TMEM132B: variants seen among roughly 807,000 people sequenced by gnomAD.
TMEM132B encodes transmembrane protein 132B.
Under a neutral mutation model 90.8 loss-of-function variants are expected in TMEM132B, and 18 were observed. That is an observed-to-expected ratio of 0.20 (90% CI 0.14 to 0.29). The LOEUF (loss-of-function observed/expected upper bound fraction) is 0.29. Ranked by LOEUF, TMEM132B falls within the 10% of genes least tolerant of loss-of-function variation. The probability of loss-of-function intolerance (pLI) is 1.00; values close to 1 mark genes in which losing one functional copy is unlikely to be tolerated. For missense variants in TMEM132B, 1,096 were observed against 1,326.8 expected, an observed-to-expected ratio of 0.83 and a Z score of 2.70; for synonymous variants, 504 against 523.3, an observed-to-expected ratio of 0.96 and a Z score of 0.50.
intron 1 of TMEM132B, among the ~76,000 whole-genome samples, chr12:125,329,448 G>C (rs189457366): frequency 6.6e-6 from 1 of 152,314 alleles, no homozygotes; most frequent in African/African-American, 2.4e-5. Context: ...CACTCACCAG[G>C]CAGCCCAGCC....
chr12:125,195,394 GTTTTTTTTTTT>G (rs36005995), intron 1 of TMEM132B, among the ~76,000 whole-genome samples: 1 of 89,906 alleles, frequency 1.1e-5, no homozygotes, highest in African/African-American at 4.2e-5. Context: ...GGGTTTGCGG[GTTTTTTTTTTT>G]TTTTTTTTTT....
At chr12:125,633,253 A>G (rs1040609814) in intron 5 of TMEM132B, among the ~76,000 whole-genome samples, 1 of 152,112 alleles carries the variant, frequency 6.6e-6, no homozygotes, top group Non-Finnish European at 1.5e-5. Flanking sequence ...TTTTCAGCTC[A>G]AGAATTTCTG....
intron 1 of TMEM132B, among the ~76,000 whole-genome samples, chr12:125,339,133 G>A (rs534903915): frequency 2.0e-5 from 3 of 152,174 alleles, no homozygotes; most frequent in Admixed American, 6.5e-5. Flanking sequence ...GTGGAAAGCA[G>A]GGAAGTCTAG....
chr12:125,273,730 A>G (rs1034682418), intron 1 of TMEM132B, among the ~76,000 whole-genome samples: 20 of 152,142 alleles, frequency 1.3e-4, no homozygotes, highest in African/African-American at 4.1e-4. Context: ...CAGTGGTGCG[A>G]TCTTGGCTCA....
At chr12:125,616,073 T>C (rs1885978056) in intron 5 of TMEM132B, among the ~76,000 whole-genome samples, 1 of 151,584 alleles carries the variant, frequency 6.6e-6, no homozygotes, top group Non-Finnish European at 1.5e-5. Context: ...TATCTCATAA[T>C]GCTATCCCTC....
chr12:125,584,157 G>A, intron 5 of TMEM132B, 163 bp downstream of exon 5: 3 of 953,000 alleles, frequency 3.1e-6, no homozygotes, highest in Non-Finnish European at 4.9e-6. Flanking sequence ...GAGACTCCCT[G>A]GAATCAGCAG....
At chr12:125,509,363 C>T (rs1220142053) in intron 3 of TMEM132B, among the ~76,000 whole-genome samples, 1 of 152,164 alleles carries the variant, frequency 6.6e-6, no homozygotes, top group Non-Finnish European at 1.5e-5. Context: ...GGAGGATTAT[C>T]CTTGCTGGTC....
At chr12:125,625,156 T>G (rs57660464) in intron 5 of TMEM132B, among the ~76,000 whole-genome samples, 72,289 of 133,062 alleles carry the variant, frequency 0.54, 21,182 homozygotes, top group African/African-American at 0.76. Flanking sequence ...TTTTTGAGAC[T>G]GAGTCTCGCT....
chr12:125,559,971 C>T (rs1884479177), intron 4 of TMEM132B, among the ~76,000 whole-genome samples: 1 of 152,314 alleles, frequency 6.6e-6, no homozygotes, highest in South Asian at 2.1e-4. Flanking sequence ...ACCCATGGCC[C>T]TAAGTTCGAA....
intron 5 of TMEM132B, among the ~76,000 whole-genome samples, chr12:125,610,582 A>T (rs1885800308): frequency 6.6e-6 from 1 of 151,966 alleles, no homozygotes; most frequent in African/African-American, 2.4e-5. Context: ...CATTCCTGGG[A>T]TACTGGGATA....
At chr12:125,562,827 C>T (rs776311981) in intron 4 of TMEM132B, among the ~76,000 whole-genome samples, 2 of 152,050 alleles carry the variant, frequency 1.3e-5, no homozygotes, top group African/African-American at 4.8e-5. Flanking sequence ...CCTTATGCCA[C>T]GGTGGTGAGG....
rs1227665846 is a variant in TMEM132B at position 125,209,584 on chromosome 12, A to G, written c.67+22718A>G. 1.3e-5 allele frequency among the ~76,000 whole-genome samples: 2 copies of G among 152,100 alleles called. No individual in the cohort carries two copies. Among genetic ancestry groups the G allele is most frequent in the Non-Finnish European group, 2.9e-5 (2 of 68,014 alleles). On this transcript the variant is annotated intron_variant, in intron 1 of 8. Coordinates refer to ENST00000682704, the MANE Select transcript of TMEM132B (RefSeq NM_001366854.1). The surrounding 1 kb of genome is among the most constrained non-coding windows in gnomAD (Gnocchi z 4.4). ...TGCTGTGGTGCTGGTCACGCTTGGGAGCATGGAGACACTCGTTCCTTGTCT... is the reference window on the plus strand; with the variant it reads ...TGCTGTGGTGCTGGTCACGCTTGGGGGCATGGAGACACTCGTTCCTTGTCT...
intron 6 of TMEM132B, among the ~76,000 whole-genome samples, chr12:125,647,590 C>T (rs1293583052): frequency 6.6e-6 from 1 of 152,150 alleles, no homozygotes; most frequent in Non-Finnish European, 1.5e-5. Context: ...CTTTACCTGG[C>T]AAAAGTATCC....
chr12:125,370,388 C>T (rs909052421), intron 2 of TMEM132B, among the ~76,000 whole-genome samples: 2 of 152,208 alleles, frequency 1.3e-5, no homozygotes, highest in African/African-American at 4.8e-5. Context: ...AGGAGCAAAA[C>T]ATCACGTGCA....
rs1336041973 is a variant in TMEM132B at position 125,646,293 on chromosome 12, A to G, written c.1643+2012A>G. ...CTTGCTGCTAATAGCAGAATGCAAG[A>G]GGATAGAGAAAATTTTGGAAGGGCT... On this transcript the variant is annotated intron_variant, in intron 6 of 8. Transcript: ENST00000682704. Among the ~76,000 whole-genome samples the G allele has an allele frequency of 2.0e-5, 3 of 152,222 alleles. No individual in the cohort carries two copies. The East Asian group carries it at 5.8e-4, about 29-fold the overall frequency.
intron 1 of TMEM132B, among the ~76,000 whole-genome samples, chr12:125,269,949 G>A (rs1390232954): frequency 1.3e-5 from 2 of 151,850 alleles, no homozygotes; most frequent in African/African-American, 4.8e-5. Flanking sequence ...ATGGAAAAGA[G>A]CAAGGGGATC....
intron 1 of TMEM132B, among the ~76,000 whole-genome samples, chr12:125,269,397 C>G (rs999269632): frequency 6.6e-6 from 1 of 152,182 alleles, no homozygotes; most frequent in Non-Finnish European, 1.5e-5. Context: ...TTCTGGTTCT[C>G]TGGCAGAGGT....
intron 5 of TMEM132B, among the ~76,000 whole-genome samples, chr12:125,591,909 AC>A (rs1414651845): frequency 2.0e-5 from 3 of 152,052 alleles, no homozygotes; most frequent in African/African-American, 4.8e-5. Context: ...ATCTGCAAAT[AC>A]CCTTTTTCTA....
At chr12:125,609,975 A>AT (rs77671130) in intron 5 of TMEM132B, among the ~76,000 whole-genome samples, 80,832 of 150,718 alleles carry the variant, frequency 0.54, 23,499 homozygotes, top group African/African-American at 0.76. Flanking sequence ...ATTCCTAAGT[A>AT]TTTTTTTTCT....
Sources: gnomAD v4.1 joint callset for allele counts (sites outside exome capture counted in the v4.1 genomes callset) on GRCh38, gnomAD v4.1.1 for gene constraint, Gnocchi (gnomAD v3.1) non-coding constraint, MANE v1.5 for transcripts, NCBI Gene and HGNC (gene_info 2026-07-23, HGNC 2026-07-21) for gene names.